MSI2: variants seen among roughly 807,000 people sequenced by gnomAD.
The protein encoded by MSI2 is musashi RNA binding protein 2.
Under a neutral mutation model 45.6 loss-of-function variants are expected in MSI2, and 17 were observed. That is an observed-to-expected ratio of 0.37 (90% CI 0.26 to 0.56). MSI2 has a LOEUF of 0.56. MSI2 is among the 20% of genes least tolerant of loss of function. The pLI, the probability that MSI2 is intolerant of heterozygous loss-of-function variation, is 0.77. For missense variants in MSI2, 293 were observed against 444.2 expected, an observed-to-expected ratio of 0.66 and a Z score of 3.06; for synonymous variants, 156 against 158.2, an observed-to-expected ratio of 0.99 and a Z score of 0.11.
chr17:57,322,635 T>C (rs557374268), intron 5 of MSI2, among the ~76,000 whole-genome samples: 30 of 152,260 alleles, frequency 2.0e-4, no homozygotes, highest in African/African-American at 7.0e-4. Flanking sequence ...AGGAGCTGCA[T>C]CCCTGGCCGT....
At chr17:57,355,055 A>AAT (rs1326116598) in intron 5 of MSI2, among the ~76,000 whole-genome samples, 1 of 152,208 alleles carries the variant, frequency 6.6e-6, no homozygotes, top group Non-Finnish European at 1.5e-5. Context: ...CAGAAAGGAG[A>AAT]ATACCTTGGC....
intron 5 of MSI2, among the ~76,000 whole-genome samples, chr17:57,370,318 G>A (rs1048728367): frequency 8.5e-5 from 13 of 152,182 alleles, no homozygotes; most frequent in Non-Finnish European, 5.9e-5. Context: ...TTGTGGAAAA[G>A]GACAGTGTGA....
At chr17:57,469,255 G>A (rs576421735) in intron 6 of MSI2, among the ~76,000 whole-genome samples, 9 of 152,288 alleles carry the variant, frequency 5.9e-5, no homozygotes, top group South Asian at 2.1e-4. Flanking sequence ...AAGGAGGTGC[G>A]AAGTCCATGG....
At chr17:57,489,186 G>A (rs2085816900) in intron 6 of MSI2, among the ~76,000 whole-genome samples, 2 of 152,208 alleles carry the variant, frequency 1.3e-5, no homozygotes. Flanking sequence ...CCAAAGAAGG[G>A]AGTCGGATGA....
intron 6 of MSI2, among the ~76,000 whole-genome samples, chr17:57,455,666 A>G (rs746927266): frequency 2.0e-5 from 3 of 152,164 alleles, no homozygotes; most frequent in Non-Finnish European, 4.4e-5. Flanking sequence ...GGGCCGAGAC[A>G]GCAGGAGAGC....
At chr17:57,289,162 G>A (rs977930648) in intron 5 of MSI2, among the ~76,000 whole-genome samples, 7 of 152,182 alleles carry the variant, frequency 4.6e-5, no homozygotes, top group Admixed American at 4.6e-4. Flanking sequence ...CCAGCCTCCC[G>A]CAGGTGGCTA....
At chr17:57,262,266 T>C in intron 5 of MSI2, 74 bp downstream of exon 5, 1 of 1,513,782 alleles carries the variant, frequency 6.6e-7, no homozygotes, top group Non-Finnish European at 9.2e-7. Flanking sequence ...TCAAACAGCA[T>C]TGGCCATGAA....
intron 10 of MSI2, chr17:57,631,956 G>A (rs1244738432): frequency 2.7e-6 from 4 of 1,469,184 alleles, no homozygotes; most frequent in Admixed American, 2.6e-5. Flanking sequence ...CTGCCTGTTT[G>A]AATGACTGTT....
intron 7 of MSI2, among the ~76,000 whole-genome samples, chr17:57,530,198 G>A (rs1326483949): frequency 2.6e-5 from 4 of 152,160 alleles, no homozygotes; most frequent in Admixed American, 6.5e-5. Flanking sequence ...GGAATGCTCC[G>A]TGGGGCCTCT....
chr17:57,682,154 C>T lies in MSI2; in HGVS notation c.*2637C>T. ...AGGACCAGTAAGGATAGAACTTTCT[C>T]TTATTTATGAAAAAAAATGCTAATA... On this transcript the variant is annotated 3_prime_UTR_variant, in exon 14 of 14. Coordinates refer to ENST00000284073, the MANE Select transcript of MSI2 (RefSeq NM_138962.4). 1 of 193,424 alleles carries T rather than the reference C, an allele frequency of 5.2e-6. No individual in the cohort carries two copies. The highest frequency in any genetic ancestry group is 1.1e-5 in the Non-Finnish European group (1 of 92,886). 12.0% of individuals were successfully genotyped at this position (193,424 alleles called of 1,614,324 possible).
chr17:57,399,416 G>A (rs2083948099), intron 5 of MSI2, among the ~76,000 whole-genome samples: 1 of 152,220 alleles, frequency 6.6e-6, no homozygotes, highest in Non-Finnish European at 1.5e-5. Context: ...CCATGACAAG[G>A]ATATTCAAGT....
At chr17:57,410,491 T>G (rs915378174) in intron 6 of MSI2, among the ~76,000 whole-genome samples, 5 of 151,980 alleles carry the variant, frequency 3.3e-5, no homozygotes, top group Non-Finnish European at 7.4e-5. Flanking sequence ...GGGCTTCTAT[T>G]TGGCGATTAT....
At chr17:57,649,195 CGT>C (rs1910930560) in intron 10 of MSI2, among the ~76,000 whole-genome samples, 2 of 152,152 alleles carry the variant, frequency 1.3e-5, no homozygotes, top group African/African-American at 4.8e-5. Flanking sequence ...GTACACAATA[CGT>C]ACACTCAATA....
chr17:57,526,616 A>G (rs1156333442), intron 6 of MSI2, among the ~76,000 whole-genome samples: 1 of 151,824 alleles, frequency 6.6e-6, no homozygotes, highest in Non-Finnish European at 1.5e-5. Flanking sequence ...TGTATATTCA[A>G]ATTCTTCTAG....
intron 11 of MSI2, among the ~76,000 whole-genome samples, chr17:57,668,338 T>C (rs1912528052): frequency 6.6e-6 from 1 of 152,116 alleles, no homozygotes; most frequent in Admixed American, 6.5e-5. Context: ...ATAGTGATAT[T>C]ATCTCCTGAG....
At chr17:57,260,659 G>A (rs1907224410) in intron 4 of MSI2, among the ~76,000 whole-genome samples, 1 of 152,174 alleles carries the variant, frequency 6.6e-6, no homozygotes, top group African/African-American at 2.4e-5. Context: ...TTTATGAAAG[G>A]GTAGTTTTCT....
At chr17:57,376,467 C>T (rs951782836) in intron 5 of MSI2, among the ~76,000 whole-genome samples, 4 of 152,174 alleles carry the variant, frequency 2.6e-5, no homozygotes, top group Non-Finnish European at 4.4e-5. Context: ...AGGTAGGGAG[C>T]CCCTGAAGGG....
intron 6 of MSI2, among the ~76,000 whole-genome samples, chr17:57,420,697 G>A (rs1366491598): frequency 6.6e-6 from 1 of 152,190 alleles, no homozygotes; most frequent in African/African-American, 2.4e-5. Flanking sequence ...ACCCTCTTGG[G>A]TTAGTGCCTG....
chr17:57,340,948 A>T (rs1383993140), intron 5 of MSI2, among the ~76,000 whole-genome samples: 1 of 152,178 alleles, frequency 6.6e-6, no homozygotes, highest in East Asian at 1.9e-4. Flanking sequence ...GCAGGAATAC[A>T]GGTTCACCTC....
Sources: allele counts gnomAD v4.1 joint callset (sites outside exome capture counted in the v4.1 genomes callset), GRCh38; gene constraint gnomAD v4.1.1; transcripts MANE v1.5; gene names NCBI Gene and HGNC (gene_info 2026-07-23, HGNC 2026-07-21).